The following THSD1 variants were observed in gnomAD, a reference collection of about 807,000 sequenced individuals.
THSD1 encodes the protein thrombospondin type-1 domain-containing protein 1.
In THSD1, 34 loss-of-function variants were observed where a neutral mutation model predicts 46.3. The ratio of observed to expected loss-of-function variants is 0.74; its 90% CI spans 0.56 to 0.98. The LOEUF is 0.98. Ranked by LOEUF, THSD1 falls within the 50% of genes least tolerant of loss-of-function variation. The probability of loss-of-function intolerance (pLI) is 0.00; values close to 1 mark genes in which losing one functional copy is unlikely to be tolerated. For synonymous variants in THSD1, 407 were observed against 416.5 expected (o/e 0.98, Z 0.28); for missense variants, 1,023 against 1,058.3 (o/e 0.97, Z 0.46).
intron 1 of THSD1, among the ~76,000 whole-genome samples, chr13:52,403,401 A>G (rs1321148329): frequency 6.6e-6 from 1 of 152,052 alleles, no homozygotes; most frequent in East Asian, 1.9e-4. Context: ...TCACACAGCA[A>G]TCTTCCCAGT....
Position 52,377,786 on chromosome 13 carries a change from G to A in THSD1, c.2184C>T (p.Ser728=). ...TRGPLNPLPK[S]YTLGQPLRKP... ...TCCTCAAGGGCTGCCCCAAAGTGTA[G>A]GATTTAGGGAGAGGGTTTAATGGAC... is the stretch of plus-strand genomic sequence containing the variant. Residue 728 remains serine, a synonymous_variant, in exon 5 of 5, where the codon TCC becomes TCT. Coordinates refer to ENST00000258613, the MANE Select transcript of THSD1 (RefSeq NM_018676.4). The A allele has an allele frequency of 1.9e-6, 3 of 1,614,184 alleles. No homozygotes were observed. The highest frequency in any genetic ancestry group is 2.2e-5 in the South Asian group (2 of 91,076).
intron 4 of THSD1, among the ~76,000 whole-genome samples, chr13:52,383,908 G>T (rs1326142580): frequency 6.6e-6 from 1 of 152,102 alleles, no homozygotes; most frequent in Non-Finnish European, 1.5e-5. Flanking sequence ...CAGTATTAAA[G>T]AATTAAGATG....
At position 52,397,698 on chromosome 13, in the gene THSD1, C is replaced by T. The variant is rs745935019; in HGVS notation, c.555G>A (p.Pro185=). 1.5e-5 allele frequency: 24 copies of T among 1,614,070 alleles called. No homozygotes were observed. Among genetic ancestry groups the T allele is most frequent in the Middle Eastern group, 1.6e-4 (1 of 6,084 alleles). The change falls in exon 3 of 5, where the codon CCG becomes CCA. Residue 185 remains proline (P), a synonymous_variant. Coordinates refer to ENST00000258613, the MANE Select transcript of THSD1 (RefSeq NM_018676.4). ...LPEARRNSRQ[P]LEIRTSKRTE... ...TCCTTTTGCTGGTTCTTATTTCCAG[C>T]GGCTGTCTTGAATTTCTTCTTGCCT...
intron 3 of THSD1, among the ~76,000 whole-genome samples, chr13:52,393,062 GCAGTTA>G (rs1272961032): frequency 6.6e-6 from 1 of 152,046 alleles, no homozygotes; most frequent in African/African-American, 2.4e-5. Flanking sequence ...TGCATAGAAG[GCAGTTA>G]CAGAATAGTG....
chr13:52,379,929 A>C (rs1026865508), intron 4 of THSD1, among the ~76,000 whole-genome samples: 3 of 152,226 alleles, frequency 2.0e-5, no homozygotes, highest in African/African-American at 4.8e-5. Flanking sequence ...TGTACATCTT[A>C]AGGGAAATTA....
intron 3 of THSD1, among the ~76,000 whole-genome samples, chr13:52,394,672 C>T (rs1479876589): frequency 6.6e-6 from 1 of 151,530 alleles, no homozygotes; most frequent in African/African-American, 2.4e-5. Context: ...AATTGTTTTT[C>T]TCCTAATACC....
Position 52,378,190 on chromosome 13 carries a change from G to T in THSD1, c.1780C>A (p.Gln594Lys). Residue 594 changes from glutamine (Q) to lysine (K), a missense_variant, in exon 5 of 5, where the codon CAG (glutamine) becomes AAG (lysine). Gln to Lys is a moderately conservative substitution (Grantham distance 53, BLOSUM62 1). Around this residue, in one of 3 missense-constraint regions of THSD1, gnomAD observed 578 missense variants for 497.4 expected, o/e 1.16. Transcript: ENST00000258613. ...CTTTCCCCGGCACTGACCGCGGGCTGCTCCGGAAATGGGGATTTGATCCGG... is the reference window on the plus strand; with the variant it reads ...CTTTCCCCGGCACTGACCGCGGGCTTCTCCGGAAATGGGGATTTGATCCGG... Reference protein sequence around the residue: ...KFRIKSPFPEQPAVSAGERPP... With the variant: ...KFRIKSPFPEKPAVSAGERPP... 1.2e-6 allele frequency: 2 copies of T among 1,614,214 alleles called. No homozygotes were observed. Among genetic ancestry groups the T allele is most frequent in the African/African-American group, 2.7e-5 (2 of 75,054 alleles).
chr13:52,382,453 A>G (rs773313187), intron 4 of THSD1, among the ~76,000 whole-genome samples: 2 of 152,190 alleles, frequency 1.3e-5, no homozygotes, highest in Non-Finnish European at 2.9e-5. Context: ...TGCTACAACC[A>G]GATAGAGATA....
At chr13:52,391,443 C>T (rs1001580030) in intron 3 of THSD1, among the ~76,000 whole-genome samples, 1 of 151,838 alleles carries the variant, frequency 6.6e-6, no homozygotes, top group Non-Finnish European at 1.5e-5. Context: ...GTCTCAAACT[C>T]CTGAGCTCAA....
chr13:52,391,958 C>T (rs533910450), intron 3 of THSD1, among the ~76,000 whole-genome samples: 5 of 151,858 alleles, frequency 3.3e-5, no homozygotes, highest in Non-Finnish European at 5.9e-5. Context: ...TTTGGGAGTC[C>T]GAGGCAGGCG....
intron 3 of THSD1, among the ~76,000 whole-genome samples, chr13:52,389,176 T>A (rs1211053605): frequency 1.3e-5 from 2 of 152,064 alleles, no homozygotes; most frequent in African/African-American, 4.8e-5. Context: ...TTGGTCAGAC[T>A]GGTCTTGAAC....
chr13:52,391,304 CT>C (rs1957771492), intron 3 of THSD1, among the ~76,000 whole-genome samples: 1 of 151,572 alleles, frequency 6.6e-6, no homozygotes, highest in Admixed American at 6.6e-5. Flanking sequence ...GAAGCCTCAA[CT>C]TCCCCCTGCT....
chr13:52,399,964 A>C (rs1399235699), intron 2 of THSD1: 1 of 157,848 alleles, frequency 6.3e-6, no homozygotes, highest in Admixed American at 6.5e-5. Context: ...TAAGAATAAG[A>C]GGCATACACC....
At chr13:52,400,692 A>G (rs1314763930) in intron 2 of THSD1, among the ~76,000 whole-genome samples, 1 of 152,232 alleles carries the variant, frequency 6.6e-6, no homozygotes, top group Non-Finnish European at 1.5e-5. Flanking sequence ...AATTTTGATC[A>G]GTATTAAGTA....
intron 3 of THSD1, among the ~76,000 whole-genome samples, chr13:52,394,044 A>G (rs993919537): frequency 6.6e-6 from 1 of 152,004 alleles, no homozygotes; most frequent in African/African-American, 2.4e-5. Context: ...CCCCACAGGG[A>G]GCCCCTGACT....
At chr13:52,402,020 T>C (rs998699651) in intron 2 of THSD1, among the ~76,000 whole-genome samples, 1 of 152,212 alleles carries the variant, frequency 6.6e-6, no homozygotes, top group Non-Finnish European at 1.5e-5. Context: ...TCAGGGTGTT[T>C]TGCACTCTTG....
chr13:52,405,456 C>G (rs1957899443), intron 1 of THSD1, among the ~76,000 whole-genome samples: 1 of 152,206 alleles, frequency 6.6e-6, no homozygotes, highest in Non-Finnish European at 1.5e-5. Context: ...GAGGAAATCT[C>G]TAGTTCTAAA....
chr13:52,387,776 CAA>C (rs145605771), intron 3 of THSD1, among the ~76,000 whole-genome samples: 2 of 151,682 alleles, frequency 1.3e-5, no homozygotes. Flanking sequence ...CTAAAAAACA[CAA>C]AGAGGAAAAA....
In THSD1 at chr13:52,377,818, T is replaced by C. The variant is rs756929833; in HGVS notation, c.2152A>G (p.Thr718Ala). Residue 718 changes from threonine to alanine, a missense_variant, in exon 5 of 5, where the codon ACC becomes GCC. Thr to Ala is a moderately conservative substitution (Grantham distance 58). Transcript: ENST00000258613. ...KLEHFQEASG[T>A]RGPLNPLPKS... ...GGGAGAGGGTTTAATGGACCACGGGTTCCACTTGCCTCTTGGAAATGCTCC... is the reference window on the plus strand; with the variant it reads ...GGGAGAGGGTTTAATGGACCACGGGCTCCACTTGCCTCTTGGAAATGCTCC... The C allele has an allele frequency of 1.9e-6, 3 of 1,613,968 alleles. No homozygotes were observed. In the East Asian group the frequency reaches 6.7e-5, roughly 36 times the overall value.
Sources: gnomAD v4.1 joint callset for allele counts (sites outside exome capture counted in the v4.1 genomes callset) on GRCh38, gnomAD v4.1.1 for gene constraint, gnomAD v4.1.1 regional missense constraint, MANE v1.5 for transcripts, NCBI Gene and HGNC (gene_info 2026-07-23, HGNC 2026-07-21) for gene names.